ST8SIA4: variants seen among roughly 807,000 people sequenced by gnomAD.
The protein encoded by ST8SIA4 is ST8 alpha-N-acetyl-neuraminide alpha-2,8-sialyltransferase 4, also known as CMP-N-acetylneuraminate-poly-alpha-2,8-sialyltransferase.
ST8SIA4 carries 15 observed loss-of-function variants against 33.9 expected under a neutral mutation model. The ratio of observed to expected loss-of-function variants is 0.44; its 90% confidence interval spans 0.30 to 0.68. ST8SIA4 has a LOEUF of 0.68. ST8SIA4 is among the 30% of genes least tolerant of loss of function. The pLI, the probability that ST8SIA4 is intolerant of heterozygous loss-of-function variation, is 0.10. For synonymous variants in ST8SIA4, 171 were observed against 151.2 expected (o/e 1.13, Z -0.96); for missense variants, 321 against 428.0 (o/e 0.75, Z 2.21).
At chr5:100,896,563 C>CA (rs1041492805) in intron 1 of ST8SIA4, among the ~76,000 whole-genome samples, 2 of 151,964 alleles carry the variant, frequency 1.3e-5, no homozygotes, top group Non-Finnish European at 2.9e-5. Flanking sequence ...TAAGTAGCTC[C>CA]AAGAGATTTT....
chr5:100,848,756 C>T (rs774950790), intron 4 of ST8SIA4, among the ~76,000 whole-genome samples: 53 of 150,470 alleles, frequency 3.5e-4, no homozygotes, highest in African/African-American at 9.0e-4. Context: ...AAAAAAGTTA[C>T]GCATTTTTAA....
intron 4 of ST8SIA4, among the ~76,000 whole-genome samples, chr5:100,829,511 A>G (rs1338592217): frequency 6.6e-6 from 1 of 152,196 alleles, no homozygotes; most frequent in East Asian, 1.9e-4. Flanking sequence ...TGACAGTGAT[A>G]TATCTATAAT....
intron 1 of ST8SIA4, among the ~76,000 whole-genome samples, chr5:100,897,056 A>G (rs1752793814): frequency 6.6e-6 from 1 of 152,180 alleles, no homozygotes; most frequent in South Asian, 2.1e-4. Context: ...AAGGCTCTGC[A>G]TGTAAAAGTA....
intron 3 of ST8SIA4, among the ~76,000 whole-genome samples, chr5:100,873,634 G>T (rs1284325632): frequency 6.6e-6 from 1 of 152,070 alleles, no homozygotes. Context: ...GGGAAACAAG[G>T]TTTCTTTTCT....
intron 3 of ST8SIA4, among the ~76,000 whole-genome samples, chr5:100,863,590 AAATG>A (rs1475198546): frequency 2.6e-5 from 4 of 152,220 alleles, no homozygotes; most frequent in African/African-American, 9.6e-5. Flanking sequence ...ATCATATAAG[AAATG>A]TACCCAGTAT....
intron 4 of ST8SIA4, among the ~76,000 whole-genome samples, chr5:100,855,727 C>G (rs1266048811): frequency 6.6e-6 from 1 of 152,178 alleles, no homozygotes. Context: ...TTAAATATAT[C>G]TAACATTTAT....
chr5:100,902,787 C>T (rs1271248435), intron 1 of ST8SIA4, 56 bp downstream of exon 1: 1 of 1,438,884 alleles, frequency 6.9e-7, no homozygotes, highest in Non-Finnish European at 9.8e-7. Context: ...TCTATATTCA[C>T]ATTTCATTTA....
In ST8SIA4 at chr5:100,840,847, G is replaced by T. The variant is rs555482869; in HGVS notation, c.797+15256C>A. The stretch of plus-strand genomic sequence containing the variant: ...TATATTCCAAACAATAAAAACAAAT[G>T]AAGATAGTTTGTTTTTTCAAAAAAG... On this transcript the variant is annotated intron_variant, in intron 4 of 4. Transcript: ENST00000231461. Among the ~76,000 whole-genome samples, 33 of 151,350 alleles carry T rather than the reference G, an allele frequency of 2.2e-4. 1 individual carries two copies. Among genetic ancestry groups the T allele is most frequent in the Middle Eastern group, 6.8e-3 (2 of 294 alleles).
intron 4 of ST8SIA4, among the ~76,000 whole-genome samples, chr5:100,847,044 T>C (rs1751586184): frequency 6.6e-6 from 1 of 152,094 alleles, no homozygotes; most frequent in Non-Finnish European, 1.5e-5. Context: ...AAATATCCTT[T>C]CATGGAAATC....
rs116078721 is a variant in ST8SIA4 at position 100,839,731 on chromosome 5, A to G, written c.797+16372T>C. On this transcript the variant is annotated intron_variant, in intron 4 of 4. Coordinates refer to ENST00000231461, the MANE Select transcript of ST8SIA4 (RefSeq NM_005668.6). ...TCAATAGGTTTTATTATATTGAAAA[A>G]TCATACATCAAAAAGAAATGATAAA... Among the ~76,000 whole-genome samples, 1,147 of 151,996 alleles carry G rather than the reference A, an allele frequency of 7.5e-3. 16 individuals are homozygous for G. Among genetic ancestry groups the G allele is most frequent in the African/African-American group, 0.027 (1,108 of 41,496 alleles).
In ST8SIA4 at chr5:100,888,720, T is replaced by C. The variant is rs1305302219; in HGVS notation, c.246-2120A>G. Among the ~76,000 whole-genome samples the C allele has an allele frequency of 2.0e-5, 3 of 151,926 alleles. No homozygotes were observed. The East Asian group carries it at 5.8e-4, about 29-fold the overall frequency. On this transcript the variant is annotated intron_variant, in intron 2 of 4. Transcript: ENST00000231461. ...CTAACTCAGAAGGCATAAGCATGAT[T>C]AGCAAAGAAGGGAGGAAAGTAACTC...
Position 100,878,646 on chromosome 5 carries a change from G to T in ST8SIA4, c.503+7697C>A, listed in dbSNP as rs1752353942. On this transcript the variant is annotated intron_variant, in intron 3 of 4. Coordinates refer to ENST00000231461, the MANE Select transcript of ST8SIA4 (RefSeq NM_005668.6). ...AAAGAGTATATTTTTCAGCTCATAG[G>T]TACTGAGAAAAGTTTTCAAGTATCT... Among the ~76,000 whole-genome samples, 9 of 152,026 alleles carry T rather than the reference G, an allele frequency of 5.9e-5. No homozygotes were observed. In the South Asian group the frequency reaches 1.9e-3, roughly 32 times the overall value.
intron 3 of ST8SIA4, among the ~76,000 whole-genome samples, chr5:100,867,582 AG>A (rs1361254845): frequency 6.6e-6 from 1 of 152,026 alleles, no homozygotes; most frequent in Non-Finnish European, 1.5e-5. Context: ...GGTACATTAG[AG>A]GGGTTGTAGG....
intron 4 of ST8SIA4, among the ~76,000 whole-genome samples, chr5:100,829,146 T>A (rs1177635477): frequency 6.6e-6 from 1 of 152,218 alleles, no homozygotes; most frequent in Non-Finnish European, 1.5e-5. Flanking sequence ...CTCACTGCCA[T>A]GCTCTGCTCT....
chr5:100,897,707 AG>A (rs1752808214), intron 1 of ST8SIA4, among the ~76,000 whole-genome samples: 1 of 152,334 alleles, frequency 6.6e-6, no homozygotes, highest in South Asian at 2.1e-4. Flanking sequence ...AGCAGCTCAA[AG>A]CATCATCATA....
At chr5:100,846,840 G>A (rs1300413765) in intron 4 of ST8SIA4, among the ~76,000 whole-genome samples, 1 of 152,090 alleles carries the variant, frequency 6.6e-6, no homozygotes, top group Non-Finnish European at 1.5e-5. Context: ...GTTTTCCATA[G>A]GTTCCAGTTT....
chr5:100,831,856 G>C (rs1049115016), intron 4 of ST8SIA4, among the ~76,000 whole-genome samples: 12 of 152,192 alleles, frequency 7.9e-5, no homozygotes, highest in African/African-American at 2.9e-4. Context: ...CAATTGGTTT[G>C]TGTTATGGGG....
intron 2 of ST8SIA4, among the ~76,000 whole-genome samples, chr5:100,893,769 C>G (rs1461154759): frequency 6.6e-6 from 1 of 152,134 alleles, no homozygotes; most frequent in African/African-American, 2.4e-5. Context: ...GCTAGATATA[C>G]TAGTTAAACT....
intron 3 of ST8SIA4, among the ~76,000 whole-genome samples, chr5:100,863,338 G>C (rs115777343): frequency 0.017 from 2,551 of 152,228 alleles, 29 homozygotes; most frequent in Admixed American, 0.025. Context: ...AGGAAGCAAG[G>C]AAGAAAGAAG....
Sources: allele counts gnomAD v4.1 joint callset (sites outside exome capture counted in the v4.1 genomes callset), GRCh38; gene constraint gnomAD v4.1.1; transcripts MANE v1.5; gene names NCBI Gene and HGNC (gene_info 2026-07-23, HGNC 2026-07-21).